Variants in ST7 observed in about 807,000 individuals in gnomAD.
ST7 encodes the protein suppressor of tumorigenicity 7 protein.
A neutral mutation model predicts 78.7 loss-of-function variants in ST7; 28 were observed. The observed-to-expected ratio is 0.36, with a 90% CI of 0.26 to 0.49. ST7 has a LOEUF of 0.49. ST7 is among the 20% of genes least tolerant of loss of function. The probability of loss-of-function intolerance (pLI) is 0.99; values close to 1 mark genes in which losing one functional copy is unlikely to be tolerated. For missense variants in ST7, 418 were observed against 696.0 expected (o/e 0.60, Z 4.49); for synonymous variants, 247 against 249.6 (o/e 0.99, Z 0.10).
intron 1 of ST7, among the ~76,000 whole-genome samples, chr7:117,085,194 C>A (rs762844080): frequency 2.0e-5 from 3 of 152,212 alleles, no homozygotes; most frequent in Non-Finnish European, 4.4e-5. Context: ...ATATTAAAAA[C>A]ATACTCTCCC....
intron 1 of ST7, among the ~76,000 whole-genome samples, chr7:117,071,302 C>A (rs1798945050): frequency 6.6e-6 from 1 of 152,174 alleles, no homozygotes; most frequent in African/African-American, 2.4e-5. Flanking sequence ...TTGTATTACA[C>A]CCTCCTGCTA....
At chr7:116,962,136 A>G (rs1176391148) in intron 1 of ST7, among the ~76,000 whole-genome samples, 2 of 152,138 alleles carry the variant, frequency 1.3e-5, no homozygotes, top group Admixed American at 6.5e-5. Context: ...TTATGACTGT[A>G]TAGTATTCCA....
intron 2 of ST7, among the ~76,000 whole-genome samples, chr7:117,107,939 T>G (rs1406604760): frequency 6.6e-6 from 1 of 152,000 alleles, no homozygotes; most frequent in Non-Finnish European, 1.5e-5. Flanking sequence ...TGAAGGGATT[T>G]TTTTCTTTCT....
chr7:117,151,530 T>G (rs66668879), intron 9 of ST7, among the ~76,000 whole-genome samples: 19,146 of 152,144 alleles, frequency 0.13, 2,219 homozygotes, highest in African/African-American at 0.31. Context: ...AACACTCATG[T>G]GCACACACAC....
chr7:117,208,619 T>C (rs1004043314), intron 12 of ST7, among the ~76,000 whole-genome samples: 1 of 152,108 alleles, frequency 6.6e-6, no homozygotes, highest in African/African-American at 2.4e-5. Flanking sequence ...GCCCAAAGGG[T>C]ACAAATCCTC....
At chr7:117,171,817 A>G (rs1352031549) in intron 10 of ST7, among the ~76,000 whole-genome samples, 1 of 152,102 alleles carries the variant, frequency 6.6e-6, no homozygotes, top group Non-Finnish European at 1.5e-5. Flanking sequence ...GGGAATGATT[A>G]CTTATTATAT....
At chr7:117,028,412 C>T (rs1048815211) in intron 1 of ST7, among the ~76,000 whole-genome samples, 4 of 152,102 alleles carry the variant, frequency 2.6e-5, no homozygotes, top group Non-Finnish European at 4.4e-5. Context: ...GATTGTAAAG[C>T]GTATAGATTA....
intron 1 of ST7, among the ~76,000 whole-genome samples, chr7:116,965,098 G>A (rs187977032): frequency 4.6e-5 from 7 of 152,280 alleles, no homozygotes; most frequent in Admixed American, 3.9e-4. Context: ...CCAGCACTTT[G>A]GGAGGCCGAG....
At chr7:117,035,371 T>A (rs932946504) in intron 1 of ST7, among the ~76,000 whole-genome samples, 1 of 152,192 alleles carries the variant, frequency 6.6e-6, no homozygotes, top group Non-Finnish European at 1.5e-5. Flanking sequence ...AAATTGTGCA[T>A]TGATTTCTTT....
chr7:117,031,159 G>T (rs1796453955), intron 1 of ST7, among the ~76,000 whole-genome samples: 1 of 151,910 alleles, frequency 6.6e-6, no homozygotes, highest in Non-Finnish European at 1.5e-5. Flanking sequence ...ACAGAAATTG[G>T]GTAATAACAA....
intron 1 of ST7, among the ~76,000 whole-genome samples, chr7:116,998,193 C>T (rs901137570): frequency 5.3e-5 from 8 of 152,312 alleles, no homozygotes; most frequent in East Asian, 3.9e-4. Context: ...GCTGGCGGGC[C>T]GGCACTGCTG....
At chr7:117,169,137 C>CTT (rs36088347) in intron 9 of ST7, among the ~76,000 whole-genome samples, 24 of 110,644 alleles carry the variant, frequency 2.2e-4, no homozygotes, top group African/African-American at 5.7e-4. Context: ...AATCTTCTTC[C>CTT]TTTTTTTTTT....
chr7:117,208,626 C>G (rs1219657022), intron 12 of ST7, among the ~76,000 whole-genome samples: 1 of 152,142 alleles, frequency 6.6e-6, no homozygotes, highest in Non-Finnish European at 1.5e-5. Context: ...GGGTACAAAT[C>G]CTCAACTAGA....
chr7:117,167,585 G>A (rs767005084), intron 9 of ST7, among the ~76,000 whole-genome samples: 1 of 152,042 alleles, frequency 6.6e-6, no homozygotes, highest in Non-Finnish European at 1.5e-5. Context: ...ATGTTAGGTT[G>A]TGGAAGTCAT....
intron 1 of ST7, chr7:117,081,175 A>G (rs1377574452): frequency 6.6e-6 from 1 of 152,170 alleles, no homozygotes; most frequent in Admixed American, 6.5e-5. Flanking sequence ...GTTGATTAAA[A>G]CAATAGTTAT....
chr7:116,992,001 C>T (rs546190496), intron 1 of ST7, among the ~76,000 whole-genome samples: 6 of 152,262 alleles, frequency 3.9e-5, no homozygotes, highest in East Asian at 3.9e-4. Flanking sequence ...TCTCACATCC[C>T]GGTCACACTG....
chr7:117,212,499 CTCTCTATAG>C (rs903367781), intron 13 of ST7, among the ~76,000 whole-genome samples: 3 of 152,152 alleles, frequency 2.0e-5, no homozygotes, highest in Non-Finnish European at 2.9e-5. Context: ...TACACCTGAT[CTCTCTATAG>C]TGTTTAGAAA....
chr7:117,014,978 C>G lies in ST7; in HGVS notation c.151+61287C>G, dbSNP rs140830579. Reference sequence around the variant, plus strand: ...GATAGAGTTGTACTTGGAAAATACTCAGTTTCCTGCTTACTGCTTCATTAT... The same window carrying G: ...GATAGAGTTGTACTTGGAAAATACTGAGTTTCCTGCTTACTGCTTCATTAT... On this transcript the variant is annotated intron_variant, in intron 1 of 15. Transcript: ENST00000323984. The G allele has an allele frequency of 2.3e-4, 308 of 1,365,756 alleles. 2 individuals carry two copies. In the African/African-American group the frequency reaches 4.3e-3, roughly 19 times the overall value. 84.6% of individuals were successfully genotyped at this position (1,365,756 alleles called of 1,614,324 possible).
intron 1 of ST7, among the ~76,000 whole-genome samples, chr7:117,023,199 C>T (rs1394619341): frequency 6.6e-6 from 1 of 152,102 alleles, no homozygotes; most frequent in African/African-American, 2.4e-5. Context: ...CATTATAATA[C>T]ATTCTGTCTT....
Sources: gnomAD v4.1 joint callset for allele counts (sites outside exome capture counted in the v4.1 genomes callset) on GRCh38, gnomAD v4.1.1 for gene constraint, MANE v1.5 for transcripts, NCBI Gene and HGNC (gene_info 2026-07-23, HGNC 2026-07-21) for gene names.